The following EXOSC10 variants were observed in gnomAD, a reference collection of about 807,000 sequenced individuals.
The protein encoded by EXOSC10 is exosome complex component 10.
EXOSC10 carries 94 observed loss-of-function variants against 126.6 expected under a neutral mutation model. The ratio of observed to expected loss-of-function variants is 0.74; its 90% CI spans 0.63 to 0.88. EXOSC10 has a LOEUF of 0.88. Among genes scored for constraint, EXOSC10 ranks in the 40% least tolerant of loss-of-function variants. The pLI, the probability that EXOSC10 is intolerant of heterozygous loss-of-function variation, is 0.00. For missense variants in EXOSC10, 1,041 were observed against 1,100.5 expected (o/e 0.95, Z 0.77); for synonymous variants, 395 against 400.8 (o/e 0.99, Z 0.17).
Position 11,098,045 on chromosome 1 carries a change from T to A in EXOSC10, c.223A>T (p.Thr75Ser). The change falls in exon 2 of 25, where the codon ACA (threonine) becomes TCA (serine). Residue 75 changes from threonine to serine, a missense_variant. Transcript: ENST00000376936. ...CACTGAAGCAACCTGTCTCCCTGTG[T>A]TTCGCAAAATGCTTGGAAGCCAGGA... Reference protein sequence around the residue: ...SFPGFQAFCETQGDRLLQCMS... With the variant: ...SFPGFQAFCESQGDRLLQCMS... The A allele has an allele frequency of 6.2e-7, 1 of 1,612,014 alleles. No individual in the cohort carries two copies. The highest frequency in any genetic ancestry group is 2.2e-5 in the East Asian group (1 of 44,706).
At chr1:11,086,829 G>A (rs916459798) in intron 9 of EXOSC10, among the ~76,000 whole-genome samples, 8 of 152,122 alleles carry the variant, frequency 5.3e-5, no homozygotes, top group African/African-American at 1.9e-4. Flanking sequence ...AGTGCGTAGA[G>A]GGAAATTTAT....
chr1:11,081,229 G>T lies in EXOSC10; in HGVS notation c.1290C>A (p.Pro430=), dbSNP rs751720907. Residue 430 remains proline, a synonymous_variant, in exon 11 of 25, where the codon CCC becomes CCA. Transcript: ENST00000376936. ...QLADWRIRPL[P]EEMLSYARDD... ...CCCGGGCGTAGCTGAGCATCTCCTCGGGCAGAGGGCTGGAATTGCAGAGGA... is the reference window on the plus strand; with the variant it reads ...CCCGGGCGTAGCTGAGCATCTCCTCTGGCAGAGGGCTGGAATTGCAGAGGA... The T allele has an allele frequency of 1.1e-5, 18 of 1,614,088 alleles. 1 individual carries two copies. The South Asian group carries it at 1.9e-4, about 17-fold the overall frequency.
Position 11,095,792 on chromosome 1 carries a change from A to G in EXOSC10, c.338T>C (p.Leu113Pro). 6.2e-7 allele frequency: 1 copy of G among 1,614,180 alleles called. No homozygotes were observed. The highest frequency in any genetic ancestry group is 1.1e-5 in the South Asian group (1 of 91,086). The change falls in exon 3 of 25, where the codon CTA becomes CCA. Residue 113 changes from leucine (L) to proline (P), a missense_variant. Leu to Pro is a moderately conservative substitution (Grantham distance 98, BLOSUM62 -3). Around this residue, in one of 3 missense-constraint regions of EXOSC10, gnomAD observed 645 missense variants for 656.3 expected, o/e 0.98. Transcript: ENST00000376936. ...CAGAATTACATCATTGGCATCAACT[A>G]GTAAATCAAACTTGTCTTCCAGCTC... The part of the protein sequence containing the change: ...VTELEDKFDL[L>P]VDANDVILER...
chr1:11,096,414 G>A (rs577367683), intron 2 of EXOSC10, among the ~76,000 whole-genome samples: 16 of 150,322 alleles, frequency 1.1e-4, no homozygotes, highest in Non-Finnish European at 2.2e-4. Context: ...GCCTCCCAAA[G>A]TTCTGGGATT....
Position 11,080,553 on chromosome 1 carries a change from G to GAAA in EXOSC10, c.1587-7_1587-5dup, listed in dbSNP as rs760571890. 3.4e-5 allele frequency: 50 copies of GAAA among 1,477,676 alleles called. No individual in the cohort carries two copies. Among genetic ancestry groups the GAAA allele is most frequent in the African/African-American group, 2.3e-4 (15 of 65,564 alleles). 91.5% of individuals were successfully genotyped at this position (1,477,676 alleles called of 1,614,324 possible). A position where few individuals can be genotyped will look rare whatever the true frequency, so the allele number is the denominator to read the frequency against. ...CATGTGGTTTGGCAGTACATATCTG[G>GAAA]AAAAAAAAAAACACACACACACACA... is the stretch of plus-strand genomic sequence containing the variant. On this transcript the variant is annotated splice_region_variant and splice_polypyrimidine_tract_variant and intron_variant, in intron 12 of 24. Coordinates refer to ENST00000376936, the MANE Select transcript of EXOSC10 (RefSeq NM_001001998.3).
intron 3 of EXOSC10, 116 bp from the exon 4 acceptor site, chr1:11,091,713 C>A: frequency 1.3e-6 from 1 of 752,564 alleles, no homozygotes; most frequent in South Asian, 1.7e-5. Context: ...GGCTGGAGTG[C>A]AGTGGCGCAA....
chr1:11,099,305 C>G (rs573485729), intron 1 of EXOSC10, among the ~76,000 whole-genome samples: 5 of 152,312 alleles, frequency 3.3e-5, no homozygotes, highest in African/African-American at 1.2e-4. Flanking sequence ...ACTTCAGAAA[C>G]AGAGGAAGAG....
chr1:11,079,613 C>T (rs1261666472), intron 14 of EXOSC10, 98 bp downstream of exon 14: 14 of 999,328 alleles, frequency 1.4e-5, no homozygotes, highest in Admixed American at 2.1e-5. Context: ...AGGCTGGTCT[C>T]GAACTCCTGA....
rs114666698 is a variant in EXOSC10 at position 11,070,918 on chromosome 1, G to A, written c.2298C>T (p.Ser766=). The change falls in exon 21 of 25, where the codon TCC becomes TCT. Residue 766 remains serine (S), a synonymous_variant. Coordinates refer to ENST00000376936, the MANE Select transcript of EXOSC10 (RefSeq NM_001001998.3). ...CACATACCACGACCTGCTGTCGGAC[G>A]GAGATGGCCTGTTCTGCTGCAGCTT... ...ACKAAAEQAI[S]VRQQVVLENA... is the part of the protein sequence containing the mutation. 1,166 of 1,614,028 alleles carry A rather than the reference G, an allele frequency of 7.2e-4. 7 individuals carry two copies. In the African/African-American group the frequency reaches 0.014, roughly 20 times the overall value.
intron 18 of EXOSC10, 68 bp from the exon 19 acceptor site, chr1:11,074,076 C>G (rs1332370153): frequency 6.7e-7 from 1 of 1,499,908 alleles, no homozygotes; most frequent in East Asian, 2.3e-5. Context: ...GGCAGAAGCG[C>G]TCAGATGGGG....
chr1:11,095,969 C>A, intron 2 of EXOSC10, 88 bp from the exon 3 acceptor site: 1 of 1,384,818 alleles, frequency 7.2e-7, no homozygotes, highest in Non-Finnish European at 9.9e-7. Flanking sequence ...TGATGTGGCT[C>A]AGACTGTTCC....
At chr1:11,066,785 G>C in intron 24 of EXOSC10, 37 bp from the exon 25 acceptor site, 1 of 1,612,126 alleles carries the variant, frequency 6.2e-7, no homozygotes, top group Non-Finnish European at 8.5e-7. Flanking sequence ...ATTTCTTCCG[G>C]GCTGGTTGGA....
intron 19 of EXOSC10, 95 bp from the exon 20 acceptor site, chr1:11,072,266 TAAG>T: frequency 3.7e-6 from 3 of 813,182 alleles, no homozygotes; most frequent in Non-Finnish European, 6.1e-6. Flanking sequence ...CAGGTTAACC[TAAG>T]AAGTACACAC....
At chr1:11,099,458 G>A (rs748177957) in intron 1 of EXOSC10, among the ~76,000 whole-genome samples, 1 of 152,220 alleles carries the variant, frequency 6.6e-6, no homozygotes, top group Admixed American at 6.5e-5. Context: ...TGGGTGGCAA[G>A]GAAGCCTTTC....
chr1:11,093,553 T>C (rs1279813102), intron 3 of EXOSC10, among the ~76,000 whole-genome samples: 1 of 152,204 alleles, frequency 6.6e-6, no homozygotes, highest in Non-Finnish European at 1.5e-5. Flanking sequence ...GTCAGATGGT[T>C]GAAGTCAGAT....
At chr1:11,092,994 G>A (rs1640885276) in intron 3 of EXOSC10, among the ~76,000 whole-genome samples, 1 of 152,170 alleles carries the variant, frequency 6.6e-6, no homozygotes, top group African/African-American at 2.4e-5. Flanking sequence ...GGTAAGTGAG[G>A]TGTATTAAAT....
At position 11,068,062 on chromosome 1, in the gene EXOSC10, A is replaced by C; in HGVS notation, c.2573T>G (p.Ile858Ser). ...SGKKCIAAKK[I>S]KQSVGNKSMS... is the part of the protein sequence containing the mutation. ...GCTTTTGTTTCCCACCGACTGTTTA[A>C]TTTTTTTGGCTGCAATGCATTTCTG... The change falls in exon 24 of 25, where the codon ATT becomes AGT. Residue 858 changes from isoleucine to serine, a missense_variant. Ile to Ser is a moderately radical substitution (Grantham distance 142). Coordinates refer to ENST00000376936, the MANE Select transcript of EXOSC10 (RefSeq NM_001001998.3). 2 of 1,613,934 alleles carry C rather than the reference A, an allele frequency of 1.2e-6. No homozygotes were observed. The highest frequency in any genetic ancestry group is 1.7e-6 in the Non-Finnish European group (2 of 1,179,932).
chr1:11,068,205 T>C (rs1254573161), intron 23 of EXOSC10, 121 bp from the exon 24 acceptor site: 9 of 730,194 alleles, frequency 1.2e-5, no homozygotes, highest in Non-Finnish European at 1.9e-5. Context: ...TTAGATCCCC[T>C]GAGAGAGGAT....
rs781714873 is a variant in EXOSC10, at chr1:11,080,501, A to G, written c.1635T>C (p.Pro545=). The G allele has an allele frequency of 8.1e-6, 13 of 1,613,094 alleles. No homozygotes were observed. The African/African-American group carries it at 1.3e-4, about 17-fold the overall frequency. ...TATTAATCAGATTTGAAACTCACTT[A>G]GGCAGTTCTTCAGCTATTTTCAGCA... ...HMMLKIAEEL[P]KEPQGIIACC... Residue 545 remains proline (P), a splice_region_variant and synonymous_variant, in exon 13 of 25, where the codon CCT becomes CCC. Coordinates refer to ENST00000376936, the MANE Select transcript of EXOSC10 (RefSeq NM_001001998.3).
Sources: gnomAD v4.1 joint callset for allele counts (sites outside exome capture counted in the v4.1 genomes callset) on GRCh38, gnomAD v4.1.1 for gene constraint, gnomAD v4.1.1 regional missense constraint, MANE v1.5 for transcripts, NCBI Gene and HGNC (gene_info 2026-07-23, HGNC 2026-07-21) for gene names.